Variants in RGPD3 observed in about 807,000 individuals in gnomAD.
RGPD3 encodes the protein RANBP2 like and GRIP domain containing 3, also known as ranBP2-like and GRIP domain-containing protein 3.
Under a neutral mutation model 154.5 loss-of-function variants are expected in RGPD3, and 62 were observed. The ratio of observed to expected loss-of-function variants is 0.40; its 90% confidence interval spans 0.33 to 0.50. The LOEUF (loss-of-function observed/expected upper bound fraction) is 0.50, where lower values mean the gene tolerates loss of function less well. RGPD3 is among the 20% of genes least tolerant of loss of function. The pLI is 0.59. For missense variants in RGPD3, 919 were observed against 1,716.8 expected (o/e 0.54, Z 8.21); for synonymous variants, 308 against 607.0 (o/e 0.51, Z 7.24).
chr2:106,409,497 A>T (rs867375834), intron 22 of RGPD3, among the ~76,000 whole-genome samples: 5 of 152,326 alleles, frequency 3.3e-5, no homozygotes, highest in African/African-American at 4.8e-5. Flanking sequence ...CTTTTAGTAC[A>T]TGAGACAGTA....
At chr2:106,445,375 G>A (rs1257570524) in intron 7 of RGPD3, among the ~76,000 whole-genome samples, 8 of 149,450 alleles carry the variant, frequency 5.4e-5, no homozygotes, top group African/African-American at 1.7e-4. Flanking sequence ...GTATTACCTA[G>A]TGAACCTCAC....
chr2:106,437,413 G>A (rs1364326663), intron 9 of RGPD3, among the ~76,000 whole-genome samples: 1 of 149,830 alleles, frequency 6.7e-6, no homozygotes, highest in Admixed American at 6.7e-5. Flanking sequence ...ATGGGAGGCT[G>A]AGGCAAGACA....
At chr2:106,422,915 C>G (rs1418422507) in intron 20 of RGPD3, 128 bp downstream of exon 20, 19 of 1,580,782 alleles carry the variant, frequency 1.2e-5, no homozygotes, top group Non-Finnish European at 1.6e-5. Context: ...AAAAATTGCT[C>G]AAATATTTTA....
intron 1 of RGPD3, among the ~76,000 whole-genome samples, chr2:106,466,010 C>T (rs537398824): frequency 2.0e-5 from 3 of 152,050 alleles, no homozygotes; most frequent in Admixed American, 6.5e-5. Context: ...GTATGACCTC[C>T]GCCGCAGCAT....
upstream of RGPD3, among the ~76,000 whole-genome samples, chr2:106,468,854 G>A (rs1678737608): frequency 6.9e-6 from 1 of 145,970 alleles, no homozygotes; most frequent in Non-Finnish European, 1.5e-5. Context: ...GTGATTTGAG[G>A]CAGCTGAGGA....
At chr2:106,455,202 T>C (rs1263440309) in intron 4 of RGPD3, among the ~76,000 whole-genome samples, 5 of 150,150 alleles carry the variant, frequency 3.3e-5, no homozygotes, top group Non-Finnish European at 5.9e-5. Context: ...AAAGGTTAAA[T>C]TGTGGACCAT....
rs557542765 is a variant in RGPD3, at chr2:106,411,686, C to T, written c.5266+1398G>A. Among the ~76,000 whole-genome samples the T allele has an allele frequency of 2.1e-4, 32 of 151,708 alleles. No homozygotes were observed. In the South Asian group the frequency reaches 5.2e-3, roughly 25 times the overall value. On this transcript the variant is annotated intron_variant, in intron 22 of 22. Coordinates refer to ENST00000409886, the MANE Select transcript of RGPD3 (RefSeq NM_001144013.2). ...TACTAAAAATAGAAAAATTAGCTGG[C>T]GTGCATCTGTAGTCTCAGCTACTTG...
intron 22 of RGPD3, among the ~76,000 whole-genome samples, chr2:106,409,871 C>T (rs900095026): frequency 2.2e-4 from 21 of 94,382 alleles, no homozygotes; most frequent in African/African-American, 4.8e-4. Context: ...TTGTAGTTTA[C>T]TTTTTTTTTT....
In RGPD3 at chr2:106,413,242, T is replaced by G. The variant is rs566226760; in HGVS notation, c.5108A>C (p.Gln1703Pro). The change falls in exon 22 of 23, where the codon CAA becomes CCA. Residue 1703 changes from glutamine (Q) to proline (P), a missense_variant. By Grantham distance (76) the Gln-to-Pro change is moderately conservative. Coordinates refer to ENST00000409886, the MANE Select transcript of RGPD3 (RefSeq NM_001144013.2). ...EIRRLERNQE[Q>P]EVSAANVEHL... ...TTCCACGTTAGCTGCAGACACCTCT[T>G]GCTCTTGATTCCTTTCCAATCTTCT... 732 of 1,611,996 alleles carry G rather than the reference T, an allele frequency of 4.5e-4. 5 individuals carry two copies. In the South Asian group the frequency reaches 7.3e-3, roughly 16 times the overall value.
intron 15 of RGPD3, 29 bp downstream of exon 15, chr2:106,434,199 G>T (rs1435300393): frequency 2.5e-6 from 4 of 1,587,476 alleles, no homozygotes; most frequent in Non-Finnish European, 3.4e-6. Context: ...TTATCAGTAA[G>T]AACGTACATA....
At chr2:106,410,494 C>T (rs1676636354) in intron 22 of RGPD3, among the ~76,000 whole-genome samples, 1 of 152,130 alleles carries the variant, frequency 6.6e-6, no homozygotes, top group African/African-American at 2.4e-5. Context: ...TAGGAGCCAC[C>T]TGGACGTTAG....
intron 20 of RGPD3, among the ~76,000 whole-genome samples, chr2:106,422,116 G>C (rs1197843033): frequency 3.3e-5 from 5 of 152,108 alleles, no homozygotes; most frequent in Non-Finnish European, 7.4e-5. Flanking sequence ...AGTCCAAAAG[G>C]CTATGGGATT....
At chr2:106,446,576 A>G (rs1314976950) in intron 7 of RGPD3, among the ~76,000 whole-genome samples, 5 of 138,302 alleles carry the variant, frequency 3.6e-5, no homozygotes, top group African/African-American at 1.1e-4. Flanking sequence ...TCTCAAAAAA[A>G]AAAAAAAAAA....
intron 6 of RGPD3, among the ~76,000 whole-genome samples, chr2:106,449,049 G>A (rs1295699113): frequency 6.6e-6 from 1 of 151,456 alleles, no homozygotes; most frequent in African/African-American, 2.4e-5. Context: ...GAAAGAGGAA[G>A]TAAATGAGAA....
Position 106,466,993 on chromosome 2 carries a change from C to T in RGPD3, c.72+1224G>A, listed in dbSNP as rs1268814681. On this transcript the variant is annotated intron_variant, in intron 1 of 22. Coordinates refer to ENST00000409886, the MANE Select transcript of RGPD3 (RefSeq NM_001144013.2). ...CGCCGCAGGGCCAGGTCGAGGCTGC[C>T]GCCGCCTGGCCAGGTCGAGGCCGCC... Among the ~76,000 whole-genome samples the T allele has an allele frequency of 1.3e-4, 17 of 129,006 alleles. 1 individual carries two copies. Among genetic ancestry groups the T allele is most frequent in the African/African-American group, 3.2e-4 (12 of 37,936 alleles). The allele number at this position is 129,006 out of a possible 152,430, so 84.6% of individuals were successfully genotyped here. A position where few individuals can be genotyped will look rare whatever the true frequency, so the allele number is the denominator to read the frequency against.
intron 20 of RGPD3, among the ~76,000 whole-genome samples, chr2:106,421,558 C>A (rs934015340): frequency 1.3e-5 from 2 of 150,494 alleles, no homozygotes; most frequent in African/African-American, 4.9e-5. Context: ...TCTTGAAGGC[C>A]TTCAACAGAT....
chr2:106,446,810 A>ATCCT (rs1442624393), intron 7 of RGPD3, among the ~76,000 whole-genome samples: 1 of 151,944 alleles, frequency 6.6e-6, no homozygotes, highest in East Asian at 1.9e-4. Flanking sequence ...TGAACCCAGG[A>ATCCT]GGTGGAGGCT....
chr2:106,414,182 C>T (rs1433830413), intron 21 of RGPD3, among the ~76,000 whole-genome samples: 7 of 151,880 alleles, frequency 4.6e-5, no homozygotes, highest in African/African-American at 1.7e-4. Flanking sequence ...GGAAGATTTC[C>T]AGGTTGAAAC....
intron 1 of RGPD3, among the ~76,000 whole-genome samples, chr2:106,467,582 G>A (rs1158783700): frequency 1.4e-5 from 2 of 141,010 alleles, no homozygotes; most frequent in African/African-American, 5.5e-5. Context: ...CCCGTCGGGA[G>A]CCATGATGCC....
Sources: gnomAD v4.1 joint callset for allele counts (sites outside exome capture counted in the v4.1 genomes callset) on GRCh38, gnomAD v4.1.1 for gene constraint, MANE v1.5 for transcripts, NCBI Gene and HGNC (gene_info 2026-07-23, HGNC 2026-07-21) for gene names.